ABCC8: variants seen among roughly 807,000 people sequenced by gnomAD.
ABCC8 encodes ATP binding cassette subfamily C member 8.
Under a neutral mutation model 188.0 loss-of-function variants are expected in ABCC8, and 137 were observed. The observed-to-expected ratio is 0.73, with a 90% CI of 0.63 to 0.84. The LOEUF is 0.84. Ranked by LOEUF, ABCC8 falls within the 40% of genes least tolerant of loss-of-function variation. The pLI is 0.00. For synonymous variants in ABCC8, 797 were observed against 846.5 expected (o/e 0.94, Z 1.01); for missense variants, 1,750 against 2,072.7 (o/e 0.84, Z 3.02).
At chr11:17,413,196 C>G (rs1404060524) in intron 20 of ABCC8, among the ~76,000 whole-genome samples, 198 bp downstream of exon 20, 3 of 152,180 alleles carry the variant, frequency 2.0e-5, no homozygotes, top group African/African-American at 7.2e-5. Flanking sequence ...GGGCACTAAG[C>G]TGACCTTGCC....
intron 12 of ABCC8, chr11:17,430,097 G>A (rs1039954772): frequency 1.3e-5 from 2 of 155,072 alleles, no homozygotes; most frequent in Admixed American, 1.2e-4. Flanking sequence ...GCCCTCCATA[G>A]AGGCATGACA....
intron 29 of ABCC8, 32 bp from the exon 30 acceptor site, chr11:17,398,473 C>G (rs772031866): frequency 6.2e-6 from 10 of 1,612,998 alleles, no homozygotes; most frequent in South Asian, 4.4e-5. Context: ...CCTAAGGGAA[C>G]AGTGTTGGTC....
At chr11:17,474,643 T>C (rs1442340774) in intron 2 of ABCC8, among the ~76,000 whole-genome samples, 1 of 152,162 alleles carries the variant, frequency 6.6e-6, no homozygotes, top group African/African-American at 2.4e-5. Context: ...TAGCATTATT[T>C]CACTGGGACT....
intron 22 of ABCC8, among the ~76,000 whole-genome samples, chr11:17,409,166 A>G (rs1954688831): frequency 6.6e-6 from 1 of 151,004 alleles, no homozygotes; most frequent in Non-Finnish European, 1.5e-5. Context: ...ATGTTGCCCC[A>G]AGCTGGTCTC....
chr11:17,416,870 C>T lies in ABCC8; in HGVS notation c.2255+60G>A, dbSNP rs367864338. ...GCATTACCCACCCACAAGTCCTCCACCCCCACCCTACCCCTTCCCTTTGTT... is the reference window on the plus strand; with the variant it reads ...GCATTACCCACCCACAAGTCCTCCATCCCCACCCTACCCCTTCCCTTTGTT... On this transcript the variant is annotated intron_variant, in intron 17 of 38. Transcript: ENST00000389817. 9.3e-5 allele frequency: 147 copies of T among 1,586,604 alleles called. No homozygotes were observed. The African/African-American group carries it at 1.8e-3, about 19-fold the overall frequency.
intron 21 of ABCC8, among the ~76,000 whole-genome samples, chr11:17,411,499 T>C (rs1591757087): frequency 1.3e-5 from 2 of 152,178 alleles, no homozygotes; most frequent in East Asian, 3.8e-4. Flanking sequence ...GTGTCTTTAG[T>C]AAAGGAGTGC....
intron 22 of ABCC8, among the ~76,000 whole-genome samples, chr11:17,408,932 C>T (rs1269894646): frequency 1.3e-5 from 2 of 151,346 alleles, no homozygotes; most frequent in African/African-American, 4.9e-5. Flanking sequence ...TGTGGCCATG[C>T]CTCTTTGGAA....
At position 17,407,382 on chromosome 11, in the gene ABCC8, G is replaced by A; in HGVS notation, c.2892C>T (p.Gly964=). 3 of 1,614,158 alleles carry A rather than the reference G, an allele frequency of 1.9e-6. No homozygotes were observed. The highest frequency in any genetic ancestry group is 2.5e-6 in the Non-Finnish European group (3 of 1,180,034). The change falls in exon 24 of 39, where the codon GGC becomes GGT. Residue 964 remains glycine (G), a synonymous_variant. Transcript: ENST00000389817. The part of the protein sequence containing the change: ...GLSRAMSSRD[G]LLQDEEEEEE... Reference sequence around the variant, plus strand: ...CCTCCTCTTCCTCATCCTGCAGAAGGCCATCCCTCGAGGACATGGCACGAG... The same window carrying A: ...CCTCCTCTTCCTCATCCTGCAGAAGACCATCCCTCGAGGACATGGCACGAG...
At chr11:17,441,314 T>C (rs1375897389) in intron 10 of ABCC8, among the ~76,000 whole-genome samples, 1 of 152,154 alleles carries the variant, frequency 6.6e-6, no homozygotes, top group Non-Finnish European at 1.5e-5. Flanking sequence ...CGAGCCATGC[T>C]ACTAACCTCA....
At chr11:17,399,285 A>AC (rs1173904844) in intron 29 of ABCC8, among the ~76,000 whole-genome samples, 9 of 85,184 alleles carry the variant, frequency 1.1e-4, no homozygotes, top group African/African-American at 2.5e-4. Context: ...CAAAAAAAAA[A>AC]AAAAAAAAAA....
chr11:17,467,013 A>G (rs1284113503), intron 3 of ABCC8, among the ~76,000 whole-genome samples: 1 of 149,048 alleles, frequency 6.7e-6, no homozygotes, highest in Non-Finnish European at 1.5e-5. Flanking sequence ...AACAGTTAAG[A>G]TGATAAATTT....
chr11:17,468,717 T>C (rs2283256), intron 3 of ABCC8, among the ~76,000 whole-genome samples: 49,276 of 152,094 alleles, frequency 0.32, 8,015 homozygotes, highest in Middle Eastern at 0.46. Context: ...GAGTATTTAC[T>C]GTTATTATTT....
At chr11:17,450,324 T>TTCTCTCTCTC (rs576893666) in intron 7 of ABCC8, among the ~76,000 whole-genome samples, 1 of 75,710 alleles carries the variant, frequency 1.3e-5, no homozygotes, top group African/African-American at 5.9e-5. Context: ...CTTTCTTTCT[T>TTCTCTCTCTC]TCTCTCTCTC....
At chr11:17,407,151 T>C (rs918851948) in intron 24 of ABCC8, 22 bp from the exon 25 acceptor site, 2 of 1,606,098 alleles carry the variant, frequency 1.2e-6, no homozygotes, top group Non-Finnish European at 1.7e-6. Context: ...AAGAACCCAC[T>C]CTGTGGCTAC....
At chr11:17,414,415 G>GGGT in intron 19 of ABCC8, 97 bp downstream of exon 19, 1 of 1,511,608 alleles carries the variant, frequency 6.6e-7, no homozygotes, top group Non-Finnish European at 9.2e-7. Flanking sequence ...TGAGATGGCT[G>GGGT]GGTGTGGGTG....
chr11:17,398,608 T>C, intron 29 of ABCC8, 167 bp from the exon 30 acceptor site: 1 of 1,359,674 alleles, frequency 7.4e-7, no homozygotes, highest in Non-Finnish European at 1.0e-6. Flanking sequence ...CCCACTCCTT[T>C]CTGCTTATTC....
At chr11:17,468,969 G>A (rs984669353) in intron 3 of ABCC8, among the ~76,000 whole-genome samples, 18 of 152,054 alleles carry the variant, frequency 1.2e-4, no homozygotes, top group Non-Finnish European at 2.5e-4. Context: ...CTCTCTAAAT[G>A]TTAGCAAACC....
chr11:17,456,620 T>G (rs962139403), intron 6 of ABCC8, among the ~76,000 whole-genome samples: 9 of 152,292 alleles, frequency 5.9e-5, no homozygotes, highest in Admixed American at 5.9e-4. Flanking sequence ...CCAACACACC[T>G]ACCCATTCAT....
chr11:17,424,897 C>A (rs1189173485), intron 16 of ABCC8, among the ~76,000 whole-genome samples: 1 of 152,214 alleles, frequency 6.6e-6, no homozygotes, highest in African/African-American at 2.4e-5. Flanking sequence ...AATGGGGTAA[C>A]AACACTCCCC....
Sources: gnomAD v4.1 joint callset for allele counts (sites outside exome capture counted in the v4.1 genomes callset) on GRCh38, gnomAD v4.1.1 for gene constraint, MANE v1.5 for transcripts, NCBI Gene and HGNC (gene_info 2026-07-23, HGNC 2026-07-21) for gene names.